Variants in CDH18 observed in about 807,000 individuals in gnomAD.
CDH18 encodes the protein cadherin 18.
CDH18 carries 31 observed loss-of-function variants against 67.9 expected under a neutral mutation model. The ratio of observed to expected loss-of-function variants is 0.46; its 90% CI spans 0.34 to 0.62. The LOEUF is 0.62. Among genes scored for constraint, CDH18 ranks in the 20% least tolerant of loss-of-function variants. The probability of loss-of-function intolerance (pLI) is 0.01; values close to 1 mark genes in which losing one functional copy is unlikely to be tolerated. For missense variants in CDH18, 890 were observed against 975.5 expected, an observed-to-expected ratio of 0.91 and a Z score of 1.17; for synonymous variants, 362 against 347.2, an observed-to-expected ratio of 1.04 and a Z score of -0.48.
At chr5:20,086,261 G>C (rs946221085) in intron 2 of CDH18, among the ~76,000 whole-genome samples, 4 of 152,196 alleles carry the variant, frequency 2.6e-5, no homozygotes, top group Non-Finnish European at 5.9e-5. Context: ...AGGTGAGAAA[G>C]CTGCAAGGAA....
chr5:19,741,706 T>C (rs1209122528), intron 4 of CDH18, among the ~76,000 whole-genome samples: 2 of 152,194 alleles, frequency 1.3e-5, no homozygotes, highest in Non-Finnish European at 2.9e-5. Flanking sequence ...AAATATATTA[T>C]TCAATTTGTG....
chr5:20,124,340 G>C (rs1032061066), intron 2 of CDH18, among the ~76,000 whole-genome samples: 2 of 152,176 alleles, frequency 1.3e-5, no homozygotes, highest in Non-Finnish European at 2.9e-5. Context: ...AGAAAGAATC[G>C]CGCTGCAAAC....
chr5:19,709,632 AAG>A (rs1009717003), intron 5 of CDH18, among the ~76,000 whole-genome samples: 10 of 151,586 alleles, frequency 6.6e-5, no homozygotes, highest in Non-Finnish European at 1.3e-4. Context: ...GAAAGAGAGA[AAG>A]AGAGAGAGAA....
chr5:20,086,021 T>G (rs1164758577), intron 2 of CDH18, among the ~76,000 whole-genome samples: 1 of 152,240 alleles, frequency 6.6e-6, no homozygotes, highest in Non-Finnish European at 1.5e-5. Flanking sequence ...GGTAGGCTTC[T>G]TGCGCAAAAC....
chr5:19,698,043 C>G (rs1762763802), intron 5 of CDH18, among the ~76,000 whole-genome samples: 1 of 152,160 alleles, frequency 6.6e-6, no homozygotes, highest in Non-Finnish European at 1.5e-5. Flanking sequence ...GCTTCTCAAC[C>G]TCAGATAAAT....
Position 19,962,378 on chromosome 5 carries a change from C to CAAAAAAAAAAAAAAAA in CDH18, c.-257+18666_-257+18681dup. 5.8e-3 allele frequency among the ~76,000 whole-genome samples: 300 copies of CAAAAAAAAAAAAAAAA among 51,458 alleles called. 4 individuals are homozygous for CAAAAAAAAAAAAAAAA. Among genetic ancestry groups the CAAAAAAAAAAAAAAAA allele is most frequent in the Middle Eastern group, 0.031 (1 of 32 alleles). 33.8% of individuals were successfully genotyped at this position (51,458 alleles called of 152,430 possible). On this transcript the variant is annotated intron_variant, in intron 2 of 12. Transcript: ENST00000382275. ...AATTTAGAGAATAAACGTCAAAAAGCAAAAAAAAAAAAAAAAAAGAAAATT... is the reference window on the plus strand; with the variant it reads ...AATTTAGAGAATAAACGTCAAAAAGCAAAAAAAAAAAAAAAAAAAAAAAAAAAAAAAAAAGAAAATT...
At chr5:20,356,073 A>G (rs531201038) in intron 1 of CDH18, among the ~76,000 whole-genome samples, 2 of 152,312 alleles carry the variant, frequency 1.3e-5, no homozygotes, top group African/African-American at 2.4e-5. Context: ...TTTGTTTTAA[A>G]ACCCACTCTA....
chr5:19,827,796 T>C (rs1451667848), intron 3 of CDH18, among the ~76,000 whole-genome samples: 2 of 151,966 alleles, frequency 1.3e-5, no homozygotes, highest in African/African-American at 4.8e-5. Context: ...TAGAAAGATA[T>C]CAAATCAAGA....
intron 2 of CDH18, among the ~76,000 whole-genome samples, chr5:20,080,672 C>T (rs1024185894): frequency 7.3e-5 from 11 of 150,794 alleles, no homozygotes; most frequent in South Asian, 2.1e-4. Flanking sequence ...AGTAGTAAAA[C>T]AAACTATAAT....
At chr5:19,993,191 C>T (rs1021256033), upstream of CDH18, among the ~76,000 whole-genome samples, 4 of 151,984 alleles carry the variant, frequency 2.6e-5, no homozygotes, top group East Asian at 1.9e-4. Flanking sequence ...TAGCTGTATC[C>T]CCAAGTATGA....
At chr5:20,301,646 T>G (rs541720441) in intron 1 of CDH18, among the ~76,000 whole-genome samples, 8 of 152,328 alleles carry the variant, frequency 5.3e-5, no homozygotes, top group Admixed American at 2.0e-4. Flanking sequence ...ATAGAACAAC[T>G]GACAAATGCT....
intron 1 of CDH18, among the ~76,000 whole-genome samples, chr5:20,284,186 G>A (rs149422100): frequency 0.011 from 1,702 of 151,982 alleles, 33 homozygotes; most frequent in African/African-American, 0.039. Context: ...ATTAGATCCA[G>A]TATTTGATAA....
chr5:19,725,790 T>A (rs974842294), intron 4 of CDH18, among the ~76,000 whole-genome samples: 2 of 152,082 alleles, frequency 1.3e-5, no homozygotes, highest in Admixed American at 1.3e-4. Flanking sequence ...ACAACAAAAA[T>A]CTTTCTTTGA....
intron 2 of CDH18, among the ~76,000 whole-genome samples, chr5:20,034,109 A>G (rs1561733575): frequency 6.6e-6 from 1 of 152,010 alleles, no homozygotes; most frequent in Non-Finnish European, 1.5e-5. Context: ...GGATGGAAAT[A>G]TGGTGTGTGT....
At chr5:20,402,351 A>G (rs1745842873) in intron 1 of CDH18, among the ~76,000 whole-genome samples, 1 of 152,200 alleles carries the variant, frequency 6.6e-6, no homozygotes, top group South Asian at 2.1e-4. Context: ...CTGACTTTGG[A>G]AAAAGGCCTG....
chr5:20,491,777 T>G (rs1361214158), intron 1 of CDH18, among the ~76,000 whole-genome samples: 1 of 152,152 alleles, frequency 6.6e-6, no homozygotes, highest in African/African-American at 2.4e-5. Context: ...AAAAACACTT[T>G]CGCAAAAACA....
At chr5:20,561,446 C>A (rs1758206621) in intron 1 of CDH18, among the ~76,000 whole-genome samples, 2 of 151,872 alleles carry the variant, frequency 1.3e-5, no homozygotes, top group African/African-American at 2.4e-5. Flanking sequence ...AGCTATCAAA[C>A]CAAAAAGACA....
At chr5:19,772,353 TAAGAG>T (rs1773826146) in intron 3 of CDH18, among the ~76,000 whole-genome samples, 1 of 152,086 alleles carries the variant, frequency 6.6e-6, no homozygotes, top group African/African-American at 2.4e-5. Flanking sequence ...AGAGTTGTTA[TAAGAG>T]AAAAGGGGAG....
chr5:20,426,304 A>T (rs961631218), intron 1 of CDH18, among the ~76,000 whole-genome samples: 1 of 151,174 alleles, frequency 6.6e-6, no homozygotes, highest in Admixed American at 6.6e-5. Context: ...TTATTAGCCA[A>T]ATTCTTATTA....
Sources: allele counts gnomAD v4.1 joint callset (sites outside exome capture counted in the v4.1 genomes callset), GRCh38; gene constraint gnomAD v4.1.1; transcripts MANE v1.5; gene names NCBI Gene and HGNC (gene_info 2026-07-23, HGNC 2026-07-21).